MED25: variants seen among roughly 807,000 people sequenced by gnomAD.
MED25 encodes mediator of RNA polymerase II transcription subunit 25.
MED25 carries 62 observed loss-of-function variants against 89.4 expected under a neutral mutation model. The ratio of observed to expected loss-of-function variants is 0.69; its 90% CI spans 0.57 to 0.86. MED25 has a LOEUF of 0.86. Among genes scored for constraint, MED25 ranks in the 40% least tolerant of loss-of-function variants. The pLI is 0.00. For synonymous variants in MED25, 449 were observed against 427.9 expected (o/e 1.05, Z -0.61); for missense variants, 905 against 1,005.2 (o/e 0.90, Z 1.35).
At chr19:49,824,872 G>A (rs1409102154) in intron 3 of MED25, among the ~76,000 whole-genome samples, 1 of 152,138 alleles carries the variant, frequency 6.6e-6, no homozygotes. Context: ...CCAGGCACCT[G>A]TTAGCCGATG....
Position 49,818,448 on chromosome 19 carries a change from G to A in MED25, c.107G>A (p.Arg36His), listed in dbSNP as rs1555800954. Residue 36 changes from arginine (R) to histidine (H), a missense_variant, in exon 1 of 18, where the codon CGC (arginine) becomes CAC (histidine). By Grantham distance (29) the Arg-to-His change is conservative. This residue lies in a region of MED25 where 501 missense variants were observed against 526.9 expected (regional missense o/e 0.95). Transcript: ENST00000312865. ...ANLGPYFEGLRKHYLLPAIEY... is the reference protein window; with the variant it reads ...ANLGPYFEGLHKHYLLPAIEY... ...CTGGGACCCTACTTCGAGGGGCTCC[G>A]CAAGCACTACCTGCTCCCGGCCATC... 6.8e-6 allele frequency: 11 copies of A among 1,614,156 alleles called. No individual in the cohort carries two copies. Among genetic ancestry groups the A allele is most frequent in the Non-Finnish European group, 9.3e-6 (11 of 1,180,022 alleles).
rs779818109 is a variant in MED25, at chr19:49,835,962, G to A, written c.1965+17G>A. 1.2e-6 allele frequency: 2 copies of A among 1,612,386 alleles called. No homozygotes were observed. Among genetic ancestry groups the A allele is most frequent in the Non-Finnish European group, 1.7e-6 (2 of 1,179,874 alleles). On this transcript the variant is annotated intron_variant, in intron 16 of 17. Transcript: ENST00000312865. The surrounding 1 kb of genome is among the most constrained non-coding windows in gnomAD (Gnocchi z 6.2). ...CCACCACCGGTGAGATGTTGGGGTG[G>A]GGTAGCGAGAGTTCCAGATCCTGGC...
At chr19:49,823,229 T>G (rs2073995052) in intron 3 of MED25, among the ~76,000 whole-genome samples, 1 of 152,150 alleles carries the variant, frequency 6.6e-6, no homozygotes, top group Admixed American at 6.5e-5. Flanking sequence ...GCTGGAGTGC[T>G]GAGATCACAG....
At chr19:49,838,309 C>T, downstream of MED25, 1 of 345,780 alleles carries the variant, frequency 2.9e-6, no homozygotes, top group Non-Finnish European at 5.7e-6. Flanking sequence ...CACACACGCA[C>T]ACACACAAAA....
rs927964693 is a variant in MED25 at position 49,825,242 on chromosome 19, GGTTTTGTTTT to G, written c.306-3192_306-3183del. The stretch of plus-strand genomic sequence containing the variant: ...AGTTTATCACACTTTTCCTCATAAG[GGTTTTGTTTT>G]GTTTTGTTTTGTTTGAGATGGAGTC... On this transcript the variant is annotated intron_variant, in intron 3 of 17. Transcript: ENST00000312865. 2.6e-5 allele frequency among the ~76,000 whole-genome samples: 4 copies of G among 151,684 alleles called. No individual in the cohort carries two copies. The South Asian group carries it at 6.2e-4, about 24-fold the overall frequency.
At chr19:49,819,345 G>T in intron 3 of MED25, 49 bp downstream of exon 3, 1 of 1,594,670 alleles carries the variant, frequency 6.3e-7, no homozygotes, top group Non-Finnish European at 8.5e-7. Context: ...GTGAGGGGCC[G>T]TGAATGAGTG....
downstream of MED25, chr19:49,839,017 G>A: frequency 3.0e-6 from 1 of 335,238 alleles, no homozygotes; most frequent in South Asian, 2.3e-5. Flanking sequence ...CATTTGCGTT[G>A]CACAGTGAGT....
chr19:49,834,686 T>G lies in MED25; in HGVS notation c.1483-300T>G. On this transcript the variant is annotated intron_variant, in intron 13 of 17. Transcript: ENST00000312865. This position sits in a 1 kb window ranked among gnomAD's most constrained non-coding sequence, Gnocchi z 4.1. ...GCCCTCTGAGGAGGCCGCCGTGGCA[T>G]TTTATGCCCAAGAAACTGGGTCCAT... The G allele has an allele frequency of 8.5e-6, 4 of 468,930 alleles. No individual in the cohort carries two copies. Among genetic ancestry groups the G allele is most frequent in the Middle Eastern group, 6.0e-4 (1 of 1,656 alleles). The allele number at this position is 468,930 out of a possible 1,614,324, so 29.0% of individuals were successfully genotyped here.
In MED25 at chr19:49,831,182, T is replaced by G; in HGVS notation, c.1102-151T>G. 1 of 844,998 alleles carries G rather than the reference T, an allele frequency of 1.2e-6. No homozygotes were observed. Among genetic ancestry groups the G allele is most frequent in the Non-Finnish European group, 1.8e-6 (1 of 545,734 alleles). The allele number at this position is 844,998 out of a possible 1,614,324, so 52.3% of individuals were successfully genotyped here. On this transcript the variant is annotated intron_variant, in intron 9 of 17. Coordinates refer to ENST00000312865, the MANE Select transcript of MED25 (RefSeq NM_030973.4). The surrounding 1 kb of genome is among the most constrained non-coding windows in gnomAD (Gnocchi z 5.0). ...CCTCGAATCCTGCAAGGTCCAAGCA[T>G]TTGGGGTCCTGCGGCTGGCCAAGTG...
At chr19:49,823,156 G>T (rs1432314196) in intron 3 of MED25, among the ~76,000 whole-genome samples, 1 of 152,128 alleles carries the variant, frequency 6.6e-6, no homozygotes, top group Non-Finnish European at 1.5e-5. Context: ...GTCTTGCTGT[G>T]TTGCTCAGAC....
intron 3 of MED25, among the ~76,000 whole-genome samples, chr19:49,823,820 A>G (rs984770197): frequency 2.6e-5 from 4 of 152,158 alleles, no homozygotes; most frequent in Non-Finnish European, 5.9e-5. Context: ...GACACTGTGG[A>G]CACAGTCATT....
At chr19:49,819,367 T>C (rs1249418044) in intron 3 of MED25, 71 bp downstream of exon 3, 1 of 1,529,788 alleles carries the variant, frequency 6.5e-7, no homozygotes, top group Non-Finnish European at 8.8e-7. Context: ...TGGCTTGGGG[T>C]GGTTGGTGTC....
intron 3 of MED25, among the ~76,000 whole-genome samples, chr19:49,827,530 T>G (rs1011712416): frequency 6.6e-5 from 10 of 152,140 alleles, no homozygotes; most frequent in Admixed American, 6.6e-4. Context: ...CCTGTGTCTC[T>G]CTGTGTCCTT....
chr19:49,826,430 A>T (rs2074016186), intron 3 of MED25, among the ~76,000 whole-genome samples: 2 of 152,236 alleles, frequency 1.3e-5, no homozygotes, highest in African/African-American at 4.8e-5. Context: ...TGAGAGCAGG[A>T]AGAAGGCTCA....
chr19:49,831,571 G>A lies in MED25; in HGVS notation c.1230+110G>A. On this transcript the variant is annotated intron_variant, in intron 10 of 17. Coordinates refer to ENST00000312865, the MANE Select transcript of MED25 (RefSeq NM_030973.4). The surrounding 1 kb of genome is among the most constrained non-coding windows in gnomAD (Gnocchi z 5.0). ...GGGGTCTGCAGTGCTGGGTTTGGAG[G>A]CATTCGTTGCGCTGGACCTGTGGGA... The A allele has an allele frequency of 1.5e-6, 2 of 1,357,844 alleles. No homozygotes were observed. The highest frequency in any genetic ancestry group is 2.0e-6 in the Non-Finnish European group (2 of 998,982). The allele number at this position is 1,357,844 out of a possible 1,614,324, so 84.1% of individuals were successfully genotyped here.
chr19:49,824,078 C>T (rs536605013), intron 3 of MED25, among the ~76,000 whole-genome samples: 2 of 152,228 alleles, frequency 1.3e-5, no homozygotes, highest in Non-Finnish European at 2.9e-5. Context: ...TCTGATGCTC[C>T]TCAAGTGCCT....
intron 3 of MED25, among the ~76,000 whole-genome samples, chr19:49,823,752 C>T (rs1241059674): frequency 6.6e-6 from 1 of 152,130 alleles, no homozygotes; most frequent in African/African-American, 2.4e-5. Context: ...GCTTCCCCTT[C>T]GCGGTAGCTG....
chr19:49,819,252 C>T lies in MED25; in HGVS notation c.261C>T (p.Pro87=), dbSNP rs138746586. 6.2e-7 allele frequency: 1 copy of T among 1,614,218 alleles called. No individual in the cohort carries two copies. The highest frequency in any genetic ancestry group is 8.5e-7 in the Non-Finnish European group (1 of 1,180,024). The stretch of plus-strand genomic sequence containing the variant: ...AGTCCTACGTACAATGTCACGCTCC[C>T]ACCAGCAGCGCCTATGAGTTTGTCA... ...APESYVQCHA[P]TSSAYEFVTW... Residue 87 remains proline (P), a synonymous_variant, in exon 3 of 18, where the codon CCC becomes CCT. Transcript: ENST00000312865.
At chr19:49,824,343 T>A (rs563582617) in intron 3 of MED25, among the ~76,000 whole-genome samples, 5 of 152,276 alleles carry the variant, frequency 3.3e-5, no homozygotes, top group East Asian at 3.9e-4. Context: ...GCCATTTGCT[T>A]CCAGCTGGGG....
Sources: allele counts gnomAD v4.1 joint callset (sites outside exome capture counted in the v4.1 genomes callset), GRCh38; gene constraint gnomAD v4.1.1; regional missense constraint gnomAD v4.1.1; non-coding constraint Gnocchi (gnomAD v3.1); transcripts MANE v1.5; gene names NCBI Gene and HGNC (gene_info 2026-07-23, HGNC 2026-07-21).